The following SCHIP1 variants were observed in gnomAD, a reference collection of about 807,000 sequenced individuals.
SCHIP1 encodes schwannomin-interacting protein 1.
In SCHIP1, 8 loss-of-function variants were observed where a neutral mutation model predicts 29.7. That is an observed-to-expected ratio of 0.27 (90% CI 0.16 to 0.49). The LOEUF (loss-of-function observed/expected upper bound fraction) is 0.49, where lower values mean the gene tolerates loss of function less well. Among genes scored for constraint, SCHIP1 ranks in the 20% least tolerant of loss-of-function variants. The probability of loss-of-function intolerance (pLI) is 0.99; values close to 1 mark genes in which losing one functional copy is unlikely to be tolerated. For missense variants in SCHIP1, 193 were observed against 294.6 expected (o/e 0.66, Z 2.52); for synonymous variants, 76 against 94.9 (o/e 0.80, Z 1.16).
chr3:159,356,083 T>G, the SCHIP1 span, among the ~76,000 whole-genome samples: 3 of 152,146 alleles, frequency 2.0e-5, no homozygotes, highest in Non-Finnish European at 2.9e-5. Context: ...TGAACTAGTT[T>G]ACAGTCCCAC....
the SCHIP1 span, among the ~76,000 whole-genome samples, chr3:159,690,554 A>C: frequency 2.6e-5 from 4 of 152,094 alleles, no homozygotes; most frequent in African/African-American, 7.2e-5. Context: ...CAACTCCTGG[A>C]TTCATTGATT....
the SCHIP1 span, among the ~76,000 whole-genome samples, chr3:159,756,856 C>A: frequency 1.3e-5 from 2 of 152,202 alleles, no homozygotes; most frequent in African/African-American, 4.8e-5. Flanking sequence ...TGCCACCAGT[C>A]TTTTTGCTAA....
the SCHIP1 span, among the ~76,000 whole-genome samples, chr3:159,778,746 T>C: frequency 6.6e-6 from 1 of 152,190 alleles, no homozygotes; most frequent in African/African-American, 2.4e-5. Flanking sequence ...TCTAGCCTCC[T>C]CTTCCAATCA....
chr3:159,631,879 TA>T, the SCHIP1 span, among the ~76,000 whole-genome samples: 2 of 152,204 alleles, frequency 1.3e-5, no homozygotes, highest in Non-Finnish European at 2.9e-5. Flanking sequence ...GGAACATCTC[TA>T]AATATTAACA....
the SCHIP1 span, among the ~76,000 whole-genome samples, chr3:159,444,161 GA>G: frequency 3.3e-5 from 5 of 152,168 alleles, no homozygotes; most frequent in African/African-American, 1.2e-4. Context: ...GCACAGCTGT[GA>G]GCAAGGGGAG....
At chr3:159,384,319 G>A in the SCHIP1 span, among the ~76,000 whole-genome samples, 1 of 151,796 alleles carries the variant, frequency 6.6e-6, no homozygotes, top group Non-Finnish European at 1.5e-5. Context: ...TTAGCATGAA[G>A]CGTTGTTGAA....
At chr3:159,837,455 G>T (rs1019904054), upstream of SCHIP1, among the ~76,000 whole-genome samples, 4 of 152,096 alleles carry the variant, frequency 2.6e-5, no homozygotes, top group African/African-American at 9.7e-5. Context: ...GGACACGGTG[G>T]CTCAGGCCTG....
At chr3:159,340,856 G>C in the SCHIP1 span, among the ~76,000 whole-genome samples, 3 of 152,112 alleles carry the variant, frequency 2.0e-5, no homozygotes, top group African/African-American at 4.8e-5. Context: ...CTTCCAAAAA[G>C]TAAAACATTC....
chr3:159,511,404 C>G, the SCHIP1 span, among the ~76,000 whole-genome samples: 3 of 152,184 alleles, frequency 2.0e-5, no homozygotes, highest in Non-Finnish European at 1.5e-5. Context: ...CTCCCTGACC[C>G]CTTGCGCTTC....
the SCHIP1 span, among the ~76,000 whole-genome samples, chr3:159,543,611 C>G: frequency 6.6e-6 from 1 of 151,588 alleles, no homozygotes; most frequent in Non-Finnish European, 1.5e-5. Context: ...TTAATCCAGT[C>G]TATCATTGTT....
the SCHIP1 span, among the ~76,000 whole-genome samples, chr3:159,627,506 G>A: frequency 2.0e-5 from 3 of 152,160 alleles, no homozygotes; most frequent in Non-Finnish European, 2.9e-5. Context: ...ATACACAAAT[G>A]AAGAATCAAA....
At chr3:159,498,063 T>C in the SCHIP1 span, among the ~76,000 whole-genome samples, 1 of 152,214 alleles carries the variant, frequency 6.6e-6, no homozygotes, top group Admixed American at 6.5e-5. Context: ...GAACAAACTA[T>C]GTATTATACA....
chr3:159,515,770 TTTCTTTA>T, the SCHIP1 span, among the ~76,000 whole-genome samples: 1 of 152,190 alleles, frequency 6.6e-6, no homozygotes. Context: ...AGTTCACTGA[TTTCTTTA>T]TTCTTTATTG....
At chr3:159,598,616 C>A in the SCHIP1 span, among the ~76,000 whole-genome samples, 1 of 152,186 alleles carries the variant, frequency 6.6e-6, no homozygotes, top group African/African-American at 2.4e-5. Context: ...GCAGGTACAG[C>A]CCCTGCACCT....
At chr3:159,390,205 G>A in the SCHIP1 span, among the ~76,000 whole-genome samples, 1 of 152,016 alleles carries the variant, frequency 6.6e-6, no homozygotes, top group East Asian at 1.9e-4. Context: ...AGTCAGGATA[G>A]GACTTTTGTG....
chr3:159,317,942 G>A, the SCHIP1 span, among the ~76,000 whole-genome samples: 1 of 152,170 alleles, frequency 6.6e-6, no homozygotes, highest in Non-Finnish European at 1.5e-5. Flanking sequence ...CCAGGTAGCT[G>A]GCTGGTCATC....
the SCHIP1 span, among the ~76,000 whole-genome samples, chr3:159,424,805 C>T: frequency 6.6e-6 from 1 of 152,116 alleles, no homozygotes; most frequent in African/African-American, 2.4e-5. Context: ...GGTAGGGTTA[C>T]CCACAAAGGG....
chr3:159,635,363 C>T, the SCHIP1 span, among the ~76,000 whole-genome samples: 1 of 152,212 alleles, frequency 6.6e-6, no homozygotes, highest in East Asian at 1.9e-4. Flanking sequence ...ACTCGAGGGG[C>T]AACGATGGTG....
the SCHIP1 span, among the ~76,000 whole-genome samples, chr3:159,286,754 A>T: frequency 6.6e-6 from 1 of 152,114 alleles, no homozygotes. Flanking sequence ...TGACTTTTTA[A>T]TAATGATCAT....
Sources: allele counts gnomAD v4.1 joint callset (sites outside exome capture counted in the v4.1 genomes callset), GRCh38; gene constraint gnomAD v4.1.1; transcripts MANE v1.5; gene names NCBI Gene and HGNC (gene_info 2026-07-23, HGNC 2026-07-21).